Variants in CHN1 observed in about 807,000 individuals in gnomAD.
CHN1 encodes the protein chimerin 1, also known as N-chimaerin.
In CHN1, 37 loss-of-function variants were observed where a neutral mutation model predicts 59.5. The ratio of observed to expected loss-of-function variants is 0.62; its 90% CI spans 0.48 to 0.82. The LOEUF is 0.82. Ranked by LOEUF, CHN1 falls within the 40% of genes least tolerant of loss-of-function variation. The pLI is 0.00. For synonymous variants in CHN1, 206 were observed against 200.4 expected, an observed-to-expected ratio of 1.03 and a Z score of -0.24; for missense variants, 469 against 571.0, an observed-to-expected ratio of 0.82 and a Z score of 1.82.
chr2:174,845,421 T>C (rs1302337740), intron 7 of CHN1, among the ~76,000 whole-genome samples: 5 of 152,080 alleles, frequency 3.3e-5, no homozygotes, highest in Non-Finnish European at 5.9e-5. Context: ...TTAGATCAGG[T>C]TGTATATCAT....
rs561910196 is a variant in CHN1 at position 174,808,777 on chromosome 2, A to G, written c.1102+128T>C. 6 of 951,320 alleles carry G rather than the reference A, an allele frequency of 6.3e-6. No individual in the cohort carries two copies. In the East Asian group the frequency reaches 1.4e-4, roughly 23 times the overall value. The allele number at this position is 951,320 out of a possible 1,614,324, so 58.9% of individuals were successfully genotyped here. On this transcript the variant is annotated intron_variant, in intron 11 of 12. Coordinates refer to ENST00000409900, the MANE Select transcript of CHN1 (RefSeq NM_001822.7). ...AGAACAATGCAAAATTCTTGTAAGT[A>G]CATTAACCATAGAGAGAGGCAAAGG...
intron 7 of CHN1, among the ~76,000 whole-genome samples, chr2:174,839,105 G>A (rs1416199875): frequency 6.6e-6 from 1 of 151,876 alleles, no homozygotes; most frequent in African/African-American, 2.4e-5. Flanking sequence ...AACATGTTTT[G>A]AAATGCAAAT....
chr2:174,987,152 G>A (rs6743169), intron 1 of CHN1, among the ~76,000 whole-genome samples: 92 of 152,262 alleles, frequency 6.0e-4, no homozygotes, highest in African/African-American at 2.2e-3. Context: ...TATTGGTAAG[G>A]TTTCCAGTAA....
At chr2:174,914,568 C>T (rs767481780) in intron 5 of CHN1, among the ~76,000 whole-genome samples, 3 of 152,018 alleles carry the variant, frequency 2.0e-5, no homozygotes, top group African/African-American at 7.2e-5. Context: ...CTTTTCAGGC[C>T]GGGTGTGGTG....
chr2:174,947,778 C>T (rs1689891460), intron 2 of CHN1, among the ~76,000 whole-genome samples: 1 of 152,028 alleles, frequency 6.6e-6, no homozygotes. Context: ...GCCACTGTGC[C>T]TAGTCAAGTC....
intron 2 of CHN1, among the ~76,000 whole-genome samples, chr2:174,951,136 A>T (rs1008397555): frequency 6.6e-6 from 1 of 152,232 alleles, no homozygotes; most frequent in Non-Finnish European, 1.5e-5. Flanking sequence ...AATCTTTAGG[A>T]GGTAAAGAAT....
chr2:174,950,703 T>C (rs1208475390), intron 2 of CHN1, among the ~76,000 whole-genome samples: 2 of 151,966 alleles, frequency 1.3e-5, no homozygotes, highest in African/African-American at 2.4e-5. Flanking sequence ...TAAATGTTCT[T>C]ACATTAAAAA....
intron 1 of CHN1, among the ~76,000 whole-genome samples, chr2:174,965,628 A>C (rs1195325374): frequency 6.6e-6 from 1 of 152,218 alleles, no homozygotes; most frequent in Non-Finnish European, 1.5e-5. Context: ...AAAATTAACA[A>C]TTTTGAATTG....
intron 9 of CHN1, 64 bp downstream of exon 9, chr2:174,812,245 A>G: frequency 7.2e-7 from 1 of 1,397,688 alleles, no homozygotes; most frequent in Non-Finnish European, 9.6e-7. Flanking sequence ...GGTACCCAAA[A>G]GGCATCAGGA....
At chr2:174,965,392 A>C (rs1690562853) in intron 1 of CHN1, among the ~76,000 whole-genome samples, 1 of 152,124 alleles carries the variant, frequency 6.6e-6, no homozygotes, top group South Asian at 2.1e-4. Context: ...AACCTGCTTA[A>C]CGTTTTACAA....
intron 11 of CHN1, among the ~76,000 whole-genome samples, chr2:174,806,522 TGTAA>T (rs1420554540): frequency 1.3e-5 from 2 of 152,180 alleles, no homozygotes; most frequent in African/African-American, 2.4e-5. Context: ...TCTTCCCTTG[TGTAA>T]GTCTCATTCC....
At chr2:174,873,432 C>T (rs1000962997) in intron 6 of CHN1, among the ~76,000 whole-genome samples, 1 of 152,214 alleles carries the variant, frequency 6.6e-6, no homozygotes, top group African/African-American at 2.4e-5. Context: ...TCCTCTGGTA[C>T]TGTTACCTTT....
chr2:174,929,340 G>T (rs1689264641), intron 3 of CHN1, among the ~76,000 whole-genome samples: 1 of 152,180 alleles, frequency 6.6e-6, no homozygotes, highest in Non-Finnish European at 1.5e-5. Context: ...CCCTTTGGGA[G>T]GCCAAGGTGG....
chr2:174,846,240 T>G, intron 7 of CHN1: 1 of 1,498,926 alleles, frequency 6.7e-7, no homozygotes, highest in South Asian at 1.4e-5. Flanking sequence ...AACACACATA[T>G]CACCTTGAAA....
At position 174,941,618 on chromosome 2, in the gene CHN1, CTT is replaced by C. The variant is rs147736640; in HGVS notation, c.114+3268_114+3269del. On this transcript the variant is annotated intron_variant, in intron 3 of 12. Coordinates refer to ENST00000409900, the MANE Select transcript of CHN1 (RefSeq NM_001822.7). ...TAAGTCTGTTTTTATATAGTTGTGA[CTT>C]TTGAACTTTGTAAATGTTCACATGT... 9.8e-3 allele frequency among the ~76,000 whole-genome samples: 1,495 copies of C among 152,256 alleles called. 47 individuals carry two copies. Among genetic ancestry groups the C allele is most frequent in the East Asian group, 0.079 (409 of 5,186 alleles).
chr2:174,931,506 T>C (rs1689346553), intron 3 of CHN1, among the ~76,000 whole-genome samples: 7 of 152,206 alleles, frequency 4.6e-5, no homozygotes, highest in Admixed American at 4.6e-4. Flanking sequence ...AATTAACAAG[T>C]CTTTATTAAG....
At chr2:174,837,589 T>C (rs1686131392) in intron 7 of CHN1, among the ~76,000 whole-genome samples, 1 of 152,230 alleles carries the variant, frequency 6.6e-6, no homozygotes, top group Non-Finnish European at 1.5e-5. Context: ...AAGCAGCTGA[T>C]GATATGGTGG....
intron 1 of CHN1, among the ~76,000 whole-genome samples, chr2:174,986,838 G>A (rs1691361790): frequency 6.6e-6 from 1 of 152,238 alleles, no homozygotes; most frequent in African/African-American, 2.4e-5. Context: ...CTGGGTTCAA[G>A]CGATCCTCCT....
chr2:174,957,052 C>T (rs569877245), intron 1 of CHN1, among the ~76,000 whole-genome samples: 2 of 152,166 alleles, frequency 1.3e-5, no homozygotes, highest in African/African-American at 2.4e-5. Flanking sequence ...TCGTATATAC[C>T]GTTGATTCAT....
Sources: allele counts gnomAD v4.1 joint callset (sites outside exome capture counted in the v4.1 genomes callset), GRCh38; gene constraint gnomAD v4.1.1; transcripts MANE v1.5; gene names NCBI Gene and HGNC (gene_info 2026-07-23, HGNC 2026-07-21).